Variants in TRHDE observed in about 807,000 individuals in gnomAD.
TRHDE encodes the protein thyrotropin-releasing hormone-degrading ectoenzyme.
TRHDE carries 72 observed loss-of-function variants against 125.7 expected under a neutral mutation model. The ratio of observed to expected loss-of-function variants is 0.57; its 90% confidence interval spans 0.47 to 0.70. The LOEUF is 0.70. Ranked by LOEUF, TRHDE falls within the 30% of genes least tolerant of loss-of-function variation. The pLI is 0.00. For synonymous variants in TRHDE, 509 were observed against 509.1 expected, an observed-to-expected ratio of 1.00 and a Z score of 0.00; for missense variants, 1,110 against 1,327.1, an observed-to-expected ratio of 0.84 and a Z score of 2.54.
intron 2 of TRHDE, among the ~76,000 whole-genome samples, chr12:72,375,785 A>G (rs1330007299): frequency 6.6e-6 from 1 of 152,158 alleles, no homozygotes; most frequent in African/African-American, 2.4e-5. Flanking sequence ...TATCTCAATA[A>G]TGCATGTCTT....
At chr12:72,112,695 C>A (rs1306551546) in intron 2 of TRHDE, among the ~76,000 whole-genome samples, 1 of 152,116 alleles carries the variant, frequency 6.6e-6, no homozygotes, top group Non-Finnish European at 1.5e-5. Context: ...GTAAGAAATA[C>A]ATCAGTAAGA....
chr12:72,217,527 A>G (rs1221971979), intron 2 of TRHDE, among the ~76,000 whole-genome samples: 1 of 152,182 alleles, frequency 6.6e-6, no homozygotes, highest in African/African-American at 2.4e-5. Context: ...ATCAATGTGC[A>G]GTCTGTCAGT....
At chr12:72,141,530 T>G (rs1469068831) in intron 2 of TRHDE, among the ~76,000 whole-genome samples, 3 of 152,212 alleles carry the variant, frequency 2.0e-5, no homozygotes, top group Non-Finnish European at 4.4e-5. Flanking sequence ...TGGTTATGGT[T>G]TCTACTCTTA....
chr12:72,289,379 G>A (rs1430533322), intron 2 of TRHDE, among the ~76,000 whole-genome samples: 3 of 151,992 alleles, frequency 2.0e-5, no homozygotes, highest in African/African-American at 7.3e-5. Flanking sequence ...TAATTAGAAA[G>A]ATTAAAAAAA....
intron 3 of TRHDE, among the ~76,000 whole-genome samples, chr12:72,415,869 T>C (rs919456183): frequency 1.3e-5 from 2 of 152,080 alleles, no homozygotes; most frequent in Non-Finnish European, 2.9e-5. Context: ...CTTTGCTATA[T>C]TGATTTCCTT....
intron 2 of TRHDE, among the ~76,000 whole-genome samples, chr12:72,114,292 C>T (rs1469006114): frequency 3.3e-5 from 5 of 152,098 alleles, no homozygotes; most frequent in Non-Finnish European, 5.9e-5. Flanking sequence ...TAGATGTGTC[C>T]ACCCCTGTGC....
intron 2 of TRHDE, among the ~76,000 whole-genome samples, chr12:72,177,807 C>A (rs1296974263): frequency 6.6e-6 from 1 of 151,740 alleles, no homozygotes; most frequent in South Asian, 2.1e-4. Context: ...TATTAACCAG[C>A]AATATTACTT....
At chr12:72,241,678 G>C (rs1324167419) in intron 2 of TRHDE, among the ~76,000 whole-genome samples, 1 of 152,096 alleles carries the variant, frequency 6.6e-6, no homozygotes, top group Non-Finnish European at 1.5e-5. Context: ...AGGATTAATG[G>C]CCATAGAGTA....
At chr12:72,305,007 A>T (rs1383966215) in intron 2 of TRHDE, among the ~76,000 whole-genome samples, 1 of 152,154 alleles carries the variant, frequency 6.6e-6, no homozygotes, top group African/African-American at 2.4e-5. Context: ...AGAGGAAGAG[A>T]GAGCAAGAGA....
chr12:72,181,297 C>T (rs1877092031), intron 2 of TRHDE, among the ~76,000 whole-genome samples: 1 of 152,126 alleles, frequency 6.6e-6, no homozygotes, highest in African/African-American at 2.4e-5. Flanking sequence ...TTAGCATCAA[C>T]AACGATCCTC....
At chr12:72,506,309 T>TCAAACAAA (rs561842787) in intron 6 of TRHDE, among the ~76,000 whole-genome samples, 14 of 152,012 alleles carry the variant, frequency 9.2e-5, no homozygotes, top group African/African-American at 3.1e-4. Context: ...AAATCCTATT[T>TCAAACAAA]CAAACAAACA....
chr12:72,162,210 A>G (rs1876653074), intron 2 of TRHDE, among the ~76,000 whole-genome samples: 1 of 152,224 alleles, frequency 6.6e-6, no homozygotes, highest in Non-Finnish European at 1.5e-5. Context: ...CTGAGAATGG[A>G]AAGCAGAAAC....
At chr12:72,404,211 C>T (rs1363597776) in intron 3 of TRHDE, among the ~76,000 whole-genome samples, 2 of 152,030 alleles carry the variant, frequency 1.3e-5, no homozygotes, top group Admixed American at 6.6e-5. Context: ...CTCAGGAGTT[C>T]AAGACCAACC....
chr12:72,498,040 T>C (rs1261493936), intron 5 of TRHDE, among the ~76,000 whole-genome samples: 5 of 152,144 alleles, frequency 3.3e-5, no homozygotes, highest in Non-Finnish European at 7.4e-5. Flanking sequence ...AAAGCGTGAT[T>C]TGATTCAGTC....
Position 72,135,657 on chromosome 12 carries a change from G to C in TRHDE, n.279+29905G>C, listed in dbSNP as rs148952437. Among the ~76,000 whole-genome samples the C allele has an allele frequency of 3.4e-3, 514 of 151,664 alleles. 2 individuals carry two copies. The highest frequency in any genetic ancestry group is 6.0e-3 in the Non-Finnish European group (408 of 67,972). ...AAGGACTCACAAGGGCTATTTACTT[G>C]TGATAAAATACAAGTGCCTTGTGTG... is the stretch of plus-strand genomic sequence containing the variant. On this transcript the variant is annotated intron_variant and non_coding_transcript_variant, in intron 2 of 4. Coordinates refer to the TRHDE transcript ENST00000548156.
At chr12:72,473,291 G>A (rs1015268366) in intron 5 of TRHDE, 111 bp downstream of exon 5, 7 of 746,790 alleles carry the variant, frequency 9.4e-6, no homozygotes, top group African/African-American at 5.4e-5. Context: ...GCATGAAAAT[G>A]TATCAATAAA....
At chr12:72,219,038 C>T (rs1288497629) in intron 2 of TRHDE, among the ~76,000 whole-genome samples, 2 of 152,094 alleles carry the variant, frequency 1.3e-5, no homozygotes, top group African/African-American at 2.4e-5. Flanking sequence ...ATAAAATTTT[C>T]ACAAAGTCAA....
At chr12:72,149,565 T>C (rs566174083) in intron 2 of TRHDE, among the ~76,000 whole-genome samples, 5 of 152,238 alleles carry the variant, frequency 3.3e-5, no homozygotes, top group African/African-American at 1.2e-4. Context: ...GTGTTGTATA[T>C]TTACAGAAAA....
At chr12:72,378,157 C>A in intron 3 of TRHDE, 36 bp downstream of exon 3, 1 of 1,526,846 alleles carries the variant, frequency 6.5e-7, no homozygotes, top group Non-Finnish European at 8.8e-7. Context: ...TGGAAGGGCT[C>A]CTTGAAAGTG....
Sources: gnomAD v4.1 joint callset for allele counts (sites outside exome capture counted in the v4.1 genomes callset) on GRCh38, gnomAD v4.1.1 for gene constraint, MANE v1.5 for transcripts, NCBI Gene and HGNC (gene_info 2026-07-23, HGNC 2026-07-21) for gene names.